MARK2: variants seen among roughly 807,000 people sequenced by gnomAD.
MARK2 encodes the protein microtubule affinity regulating kinase 2.
A neutral mutation model predicts 89.8 loss-of-function variants in MARK2; 16 were observed. The observed-to-expected ratio is 0.18, with a 90% CI of 0.12 to 0.27. MARK2 has a LOEUF of 0.27. Ranked by LOEUF, MARK2 falls within the 10% of genes least tolerant of loss-of-function variation. The pLI is 1.00. For missense variants in MARK2, 621 were observed against 1,049.9 expected, an observed-to-expected ratio of 0.59 and a Z score of 5.65; for synonymous variants, 382 against 399.5, an observed-to-expected ratio of 0.96 and a Z score of 0.52.
At chr11:63,887,011 C>T (rs974836382) in intron 1 of MARK2, among the ~76,000 whole-genome samples, 4 of 152,212 alleles carry the variant, frequency 2.6e-5, no homozygotes, top group African/African-American at 9.6e-5. Context: ...TCAGGGCCCA[C>T]TTTTGGGGGG....
chr11:63,840,823 A>T (rs1382898119), intron 1 of MARK2, among the ~76,000 whole-genome samples: 1 of 151,994 alleles, frequency 6.6e-6, no homozygotes, highest in East Asian at 1.9e-4. Flanking sequence ...CTTGAGCTAC[A>T]CCTCAGCCTC....
intron 1 of MARK2, among the ~76,000 whole-genome samples, chr11:63,878,013 C>T (rs942886042): frequency 2.0e-5 from 3 of 152,188 alleles, no homozygotes; most frequent in Admixed American, 6.5e-5. Context: ...TAACAGGATC[C>T]GGTTCTCAGT....
At position 63,904,006 on chromosome 11, in the gene MARK2, G is replaced by T; in HGVS notation, c.1535G>T (p.Arg512Leu). 1 of 1,607,778 alleles carries T rather than the reference G, an allele frequency of 6.2e-7. No individual in the cohort carries two copies. The highest frequency in any genetic ancestry group is 8.5e-7 in the Non-Finnish European group (1 of 1,177,776). The change falls in exon 15 of 19, where the codon CGG becomes CTG. Residue 512 changes from arginine (R) to leucine (L), a missense_variant. Coordinates refer to ENST00000402010, the MANE Select transcript of MARK2 (RefSeq NM_001039469.3). The surrounding 1 kb of genome is among the most constrained non-coding windows in gnomAD (Gnocchi z 6.3). ...GKDSLTMPGS[R>L]ASTASASAAV... Reference sequence around the variant, plus strand: ...CCTAGCCTAACCATGCCAGGGTCCCGGGCCTCCACGGCTTCTGCTTCTGCC... The same window carrying T: ...CCTAGCCTAACCATGCCAGGGTCCCTGGCCTCCACGGCTTCTGCTTCTGCC...
At position 63,839,479 on chromosome 11, in the gene MARK2, C is replaced by T. The variant is rs2015890988; in HGVS notation, c.-28C>T. 1 of 1,470,574 alleles carries T rather than the reference C, an allele frequency of 6.8e-7. No homozygotes were observed. The highest frequency in any genetic ancestry group is 9.2e-7 in the Non-Finnish European group (1 of 1,082,266). 91.1% of individuals were successfully genotyped at this position (1,470,574 alleles called of 1,614,324 possible). On this transcript the variant is annotated 5_prime_UTR_variant, in exon 1 of 19. Coordinates refer to ENST00000402010, the MANE Select transcript of MARK2 (RefSeq NM_001039469.3). ...CTTCCCTCCCTTCCTCCAAGCTTCT[C>T]GGTTCCCTCCCCCGAGATACCGGCG...
At chr11:63,877,483 C>T (rs561315284) in intron 1 of MARK2, among the ~76,000 whole-genome samples, 31 of 152,132 alleles carry the variant, frequency 2.0e-4, no homozygotes, top group African/African-American at 7.0e-4. Context: ...TGCAGTGGCT[C>T]ATGCCTATCA....
chr11:63,895,075 C>A, intron 1 of MARK2, 84 bp from the exon 2 acceptor site: 1 of 1,135,976 alleles, frequency 8.8e-7, no homozygotes, highest in Middle Eastern at 2.9e-4. Context: ...TGCCCCTGCA[C>A]CCTCATCCCT....
chr11:63,907,813 C>T (rs946053621), intron 17 of MARK2, among the ~76,000 whole-genome samples: 2 of 152,246 alleles, frequency 1.3e-5, no homozygotes, highest in African/African-American at 4.8e-5. Flanking sequence ...CAGCCCCTTT[C>T]CTCCAAAAGG....
intron 3 of MARK2, among the ~76,000 whole-genome samples, chr11:63,896,052 A>G (rs1940371175): frequency 6.6e-6 from 1 of 151,348 alleles, no homozygotes; most frequent in Non-Finnish European, 1.5e-5. Context: ...CCTAGTTTAA[A>G]TTTTCTGGCC....
At chr11:63,891,585 G>C (rs1044049291) in intron 1 of MARK2, among the ~76,000 whole-genome samples, 3 of 152,210 alleles carry the variant, frequency 2.0e-5, no homozygotes, top group Non-Finnish European at 4.4e-5. Context: ...TAAATCCCTG[G>C]TCTGGATTTT....
In MARK2 at chr11:63,886,280, C is replaced by T. The variant is rs143166934; in HGVS notation, c.55-8879C>T. On this transcript the variant is annotated intron_variant, in intron 1 of 18. Transcript: ENST00000402010. ...TAGCTGAGACTACAGACCCATGGCACCATGCCTGGCTAATTTTTGAATTTG... is the reference window on the plus strand; with the variant it reads ...TAGCTGAGACTACAGACCCATGGCATCATGCCTGGCTAATTTTTGAATTTG... 8.0e-3 allele frequency among the ~76,000 whole-genome samples: 1,222 copies of T among 152,242 alleles called. 10 individuals are homozygous for T. Among genetic ancestry groups the T allele is most frequent in the Non-Finnish European group, 0.013 (885 of 68,018 alleles).
intron 3 of MARK2, among the ~76,000 whole-genome samples, chr11:63,898,027 A>G (rs1416698104): frequency 3.3e-5 from 5 of 152,186 alleles, no homozygotes; most frequent in African/African-American, 9.7e-5. Context: ...CATCCCGGGT[A>G]GCACGTCCCC....
rs367619713 is a variant in MARK2, at chr11:63,892,082, C to G, written c.55-3077C>G. On this transcript the variant is annotated intron_variant, in intron 1 of 18. Coordinates refer to ENST00000402010, the MANE Select transcript of MARK2 (RefSeq NM_001039469.3). ...GCGTGGAGAACAGAGCACCAGAGAG[C>G]TCTGTGGGCTGGAATGAGCAGACAA... Among the ~76,000 whole-genome samples the G allele has an allele frequency of 3.3e-5, 5 of 152,200 alleles. No individual in the cohort carries two copies. The East Asian group carries it at 5.8e-4, about 18-fold the overall frequency.
At position 63,897,798 on chromosome 11, in the gene MARK2, G is replaced by C. The variant is rs139738977; in HGVS notation, c.289-434G>C. 2.6e-5 allele frequency among the ~76,000 whole-genome samples: 4 copies of C among 152,318 alleles called. No homozygotes were observed. The East Asian group carries it at 7.7e-4, about 29-fold the overall frequency. On this transcript the variant is annotated intron_variant, in intron 3 of 18. Coordinates refer to ENST00000402010, the MANE Select transcript of MARK2 (RefSeq NM_001039469.3). The stretch of plus-strand genomic sequence containing the variant: ...AGAGCCCTCTGACTACTGTAAATCA[G>C]AAAATGATGGGGTCCCCCTCTGGTG...
chr11:63,859,779 G>A (rs954473882), intron 1 of MARK2, among the ~76,000 whole-genome samples: 5 of 151,594 alleles, frequency 3.3e-5, no homozygotes, highest in South Asian at 2.1e-4. Flanking sequence ...CTACGGGTGC[G>A]TGCCACCATG....
At chr11:63,840,731 A>G (rs3850943) in intron 1 of MARK2, among the ~76,000 whole-genome samples, 2 of 151,920 alleles carry the variant, frequency 1.3e-5, no homozygotes, top group Admixed American at 6.5e-5. Context: ...GTGTATCCCC[A>G]CACCGTGCTT....
Position 63,902,994 on chromosome 11 carries a change from G to T in MARK2, c.1417-67G>T, listed in dbSNP as rs915301723. On this transcript the variant is annotated intron_variant, in intron 13 of 18. Transcript: ENST00000402010. The surrounding 1 kb of genome is among the most constrained non-coding windows in gnomAD (Gnocchi z 4.2). ...GACAGGAAGCCTGTTCCATGAACCT[G>T]GGGGGAGAACCTGGCTGTAGACCAC... is the stretch of plus-strand genomic sequence containing the variant. 1.5e-6 allele frequency: 2 copies of T among 1,376,784 alleles called. No homozygotes were observed. Among genetic ancestry groups the T allele is most frequent in the Non-Finnish European group, 2.1e-6 (2 of 966,576 alleles). The allele number at this position is 1,376,784 out of a possible 1,614,324, so 85.3% of individuals were successfully genotyped here.
At chr11:63,870,234 T>TTATTTTG (rs1160063035) in intron 1 of MARK2, among the ~76,000 whole-genome samples, 1 of 152,012 alleles carries the variant, frequency 6.6e-6, no homozygotes, top group Non-Finnish European at 1.5e-5. Flanking sequence ...GAATGATGAT[T>TTATTTTG]TATTTTGTAT....
In MARK2 at chr11:63,904,913, C is replaced by T. The variant is rs764409621; in HGVS notation, c.1804C>T (p.Leu602Phe). Residue 602 changes from leucine (L) to phenylalanine (F), a missense_variant, in exon 16 of 19, where the codon CTC becomes TTC. Leu to Phe is a conservative substitution (Grantham distance 22). Coordinates refer to ENST00000402010, the MANE Select transcript of MARK2 (RefSeq NM_001039469.3). The surrounding 1 kb of genome is among the most constrained non-coding windows in gnomAD (Gnocchi z 6.3). ...CCGAAGCACCTTCCATGCTGGGCAG[C>T]TCCGACAGGTGCGGGACCAGCAGAA... is the stretch of plus-strand genomic sequence containing the variant. Reference protein sequence around the residue: ...SSRSTFHAGQLRQVRDQQNLP... With the variant: ...SSRSTFHAGQFRQVRDQQNLP... 2.5e-6 allele frequency: 4 copies of T among 1,614,246 alleles called. No individual in the cohort carries two copies. In the South Asian group the frequency reaches 3.3e-5, roughly 13 times the overall value.
intron 1 of MARK2, among the ~76,000 whole-genome samples, chr11:63,864,960 C>T (rs1243081319): frequency 1.3e-5 from 2 of 152,022 alleles, no homozygotes; most frequent in Non-Finnish European, 2.9e-5. Context: ...AGTACAGTGA[C>T]GCAGTCTCGG....
Sources: gnomAD v4.1 joint callset for allele counts (sites outside exome capture counted in the v4.1 genomes callset) on GRCh38, gnomAD v4.1.1 for gene constraint, Gnocchi (gnomAD v3.1) non-coding constraint, MANE v1.5 for transcripts, NCBI Gene and HGNC (gene_info 2026-07-23, HGNC 2026-07-21) for gene names.